Variants in CLIP1 observed in about 807,000 individuals in gnomAD.
The protein encoded by CLIP1 is CAP-Gly domain containing linker protein 1.
Under a neutral mutation model 161.6 loss-of-function variants are expected in CLIP1, and 66 were observed. That is an observed-to-expected ratio of 0.41 (90% CI 0.33 to 0.50). The LOEUF is 0.50. Among genes scored for constraint, CLIP1 ranks in the 20% least tolerant of loss-of-function variants. The probability of loss-of-function intolerance (pLI) is 0.27; values close to 1 mark genes in which losing one functional copy is unlikely to be tolerated. For synonymous variants in CLIP1, 598 were observed against 626.2 expected (o/e 0.96, Z 0.67); for missense variants, 1,376 against 1,702.0 (o/e 0.81, Z 3.37).
At position 122,345,036 on chromosome 12, in the gene CLIP1, G is replaced by A. The variant is rs118084802; in HGVS notation, c.1506+2339C>T. The stretch of plus-strand genomic sequence containing the variant: ...TGTTTGCTGACAAAACTAAGATACG[G>A]GAGAGGAGTTTACATGTTTTAAAAA... On this transcript the variant is annotated intron_variant, in intron 10 of 25. Transcript: ENST00000620786. 7.6e-3 allele frequency among the ~76,000 whole-genome samples: 1,151 copies of A among 151,638 alleles called. 11 individuals are homozygous for A. The highest frequency in any genetic ancestry group is 0.012 in the Non-Finnish European group (811 of 67,918).
intron 10 of CLIP1, among the ~76,000 whole-genome samples, chr12:122,346,364 T>C (rs915271217): frequency 2.0e-5 from 3 of 152,214 alleles, no homozygotes; most frequent in African/African-American, 7.2e-5. Context: ...GTATGCACTA[T>C]ATAGGTGCTT....
chr12:122,353,293 G>A (rs2136460488), intron 7 of CLIP1, among the ~76,000 whole-genome samples: 1 of 152,310 alleles, frequency 6.6e-6, no homozygotes, highest in South Asian at 2.1e-4. Context: ...AGTGAGTTAT[G>A]ATCGTATGAC....
chr12:122,388,709 C>T (rs892545256), intron 1 of CLIP1, among the ~76,000 whole-genome samples: 1 of 152,138 alleles, frequency 6.6e-6, no homozygotes, highest in Non-Finnish European at 1.5e-5. Context: ...GCTGGGACTA[C>T]AGGCGTGTGC....
chr12:122,371,498 T>G (rs1954447602), intron 3 of CLIP1, among the ~76,000 whole-genome samples: 1 of 152,218 alleles, frequency 6.6e-6, no homozygotes, highest in South Asian at 2.1e-4. Context: ...GACTGGGCAC[T>G]ATTAAAAAGA....
chr12:122,349,833 T>C (rs972594633), intron 9 of CLIP1, among the ~76,000 whole-genome samples: 6 of 152,140 alleles, frequency 3.9e-5, no homozygotes, highest in African/African-American at 1.4e-4. Flanking sequence ...CTGAAGTAGC[T>C]TCACAAAAAG....
chr12:122,298,840 A>G (rs1450472043), intron 20 of CLIP1, among the ~76,000 whole-genome samples: 1 of 151,958 alleles, frequency 6.6e-6, no homozygotes, highest in African/African-American at 2.4e-5. Flanking sequence ...CAGTAGTCTC[A>G]GCTACTGGGG....
chr12:122,355,372 G>A lies in CLIP1; in HGVS notation c.1006-60C>T, dbSNP rs980038284. ...ATGCTGTCAGAAAAGCGAGGGAGGC[G>A]CGATGCATGCATGGCGGGCATCTGC... On this transcript the variant is annotated intron_variant, in intron 5 of 25. Transcript: ENST00000620786. This position sits in a 1 kb window ranked among gnomAD's most constrained non-coding sequence, Gnocchi z 4.1. 231 of 1,473,278 alleles carry A rather than the reference G, an allele frequency of 1.6e-4. 1 individual carries two copies. The South Asian group carries it at 2.2e-3, about 14-fold the overall frequency. The allele number at this position is 1,473,278 out of a possible 1,614,324, so 91.3% of individuals were successfully genotyped here. A position where few individuals can be genotyped will look rare whatever the true frequency, so the allele number is the denominator to read the frequency against.
chr12:122,405,415 T>C (rs1956292641), intron 1 of CLIP1, among the ~76,000 whole-genome samples: 1 of 152,246 alleles, frequency 6.6e-6, no homozygotes, highest in African/African-American at 2.4e-5. Context: ...TGGGTATTTA[T>C]GTATGCTTCA....
At chr12:122,286,912 C>A (rs536636474) in intron 21 of CLIP1, among the ~76,000 whole-genome samples, 1 of 151,988 alleles carries the variant, frequency 6.6e-6, no homozygotes. Flanking sequence ...GCAGGAGAAT[C>A]GCTTGAACCC....
chr12:122,294,543 A>C (rs1249694691), intron 20 of CLIP1, among the ~76,000 whole-genome samples: 1 of 151,872 alleles, frequency 6.6e-6, no homozygotes, highest in Non-Finnish European at 1.5e-5. Flanking sequence ...CAGGATGACC[A>C]CTTGAGCCCA....
intron 9 of CLIP1, 170 bp downstream of exon 9, chr12:122,350,941 C>T (rs967793560): frequency 6.5e-6 from 3 of 458,746 alleles, no homozygotes; most frequent in African/African-American, 5.9e-5. Flanking sequence ...CATACAATTT[C>T]TTCAGGATAT....
chr12:122,365,682 A>AG (rs1043881389), intron 3 of CLIP1: 1 of 676,346 alleles, frequency 1.5e-6, no homozygotes, highest in South Asian at 1.7e-5. Context: ...CTATTTAAAA[A>AG]AAAAAAAAAA....
At chr12:122,317,310 A>G (rs896202056) in intron 18 of CLIP1, among the ~76,000 whole-genome samples, 1 of 152,260 alleles carries the variant, frequency 6.6e-6, no homozygotes, top group African/African-American at 2.4e-5. Context: ...CCAGATTTAC[A>G]TAGTCCTCAT....
At chr12:122,407,319 A>G (rs1956359846) in intron 1 of CLIP1, among the ~76,000 whole-genome samples, 1 of 152,116 alleles carries the variant, frequency 6.6e-6, no homozygotes, top group Admixed American at 6.6e-5. Flanking sequence ...TAAAACCCCA[A>G]TCTCCAGGCT....
rs189217037 is a variant in CLIP1, at chr12:122,301,229, C to T, written c.3594+8533G>A. ...TGCCTGAACAGGAATAGGGTCTGTA[C>T]GTTAGGTAATACTGTTGTATCGAGG... On this transcript the variant is annotated intron_variant, in intron 20 of 25. Coordinates refer to ENST00000620786, the MANE Select transcript of CLIP1 (RefSeq NM_001247997.2). Among the ~76,000 whole-genome samples the T allele has an allele frequency of 1.1e-4, 16 of 152,256 alleles. No individual in the cohort carries two copies. The East Asian group carries it at 1.7e-3, about 17-fold the overall frequency.
intron 1 of CLIP1, among the ~76,000 whole-genome samples, chr12:122,394,078 T>C (rs895596004): frequency 1.3e-5 from 2 of 152,106 alleles, no homozygotes; most frequent in Non-Finnish European, 2.9e-5. Flanking sequence ...ACATGCTTTA[T>C]GGGTGCAAAG....
rs538123377 is a variant in CLIP1 at position 122,338,750 on chromosome 12, T to C, written c.2452-2002A>G. 2.0e-5 allele frequency among the ~76,000 whole-genome samples: 3 copies of C among 152,090 alleles called. No individual in the cohort carries two copies. The East Asian group carries it at 5.8e-4, about 29-fold the overall frequency. ...AACAAAACAAAACAAAAAAATCCAC[T>C]GGACAATAGTCATTAGAACTTGGCT... On this transcript the variant is annotated intron_variant, in intron 11 of 25. Coordinates refer to ENST00000620786, the MANE Select transcript of CLIP1 (RefSeq NM_001247997.2).
intron 5 of CLIP1, among the ~76,000 whole-genome samples, chr12:122,357,041 G>A (rs1314445368): frequency 6.6e-6 from 1 of 152,236 alleles, no homozygotes; most frequent in Non-Finnish European, 1.5e-5. Context: ...CGAGACTGCA[G>A]CCTCTGCCCA....
At position 122,323,663 on chromosome 12, in the gene CLIP1, T is replaced by C. The variant is rs959454892; in HGVS notation, c.3249+4284A>G. 6.5e-6 allele frequency: 1 copy of C among 152,684 alleles called. No individual in the cohort carries two copies. The highest frequency in any genetic ancestry group is 1.5e-5 in the Non-Finnish European group (1 of 68,066). The allele number at this position is 152,684 out of a possible 1,614,324, so 9.5% of individuals were successfully genotyped here. ...CGTCTCTAACTGCAGATTTCTGTTG[T>C]TCTGAAGAACATTATCTCGTTCTAC... On this transcript the variant is annotated intron_variant, in intron 17 of 25. Transcript: ENST00000620786. The surrounding 1 kb of genome is among the most constrained non-coding windows in gnomAD (Gnocchi z 4.1).
Sources: gnomAD v4.1 joint callset for allele counts (sites outside exome capture counted in the v4.1 genomes callset) on GRCh38, gnomAD v4.1.1 for gene constraint, Gnocchi (gnomAD v3.1) non-coding constraint, MANE v1.5 for transcripts, NCBI Gene and HGNC (gene_info 2026-07-23, HGNC 2026-07-21) for gene names.